The following TIAM2 variants were observed in gnomAD, a reference collection of about 807,000 sequenced individuals.
The protein encoded by TIAM2 is TIAM Rac1 associated GEF 2.
TIAM2 carries 80 observed loss-of-function variants against 152.9 expected under a neutral mutation model. The ratio of observed to expected loss-of-function variants is 0.52; its 90% CI spans 0.44 to 0.63. The LOEUF (loss-of-function observed/expected upper bound fraction) is 0.63, where lower values mean the gene tolerates loss of function less well. Among genes scored for constraint, TIAM2 ranks in the 30% least tolerant of loss-of-function variants. TIAM2 has a pLI of 0.00. For synonymous variants in TIAM2, 804 were observed against 838.0 expected, an observed-to-expected ratio of 0.96 and a Z score of 0.70; for missense variants, 1,965 against 2,120.1, an observed-to-expected ratio of 0.93 and a Z score of 1.44.
intron 15 of TIAM2, among the ~76,000 whole-genome samples, chr6:155,240,234 G>C (rs937993959): frequency 6.6e-6 from 1 of 152,244 alleles, no homozygotes; most frequent in African/African-American, 2.4e-5. Flanking sequence ...GACTGCAGAG[G>C]GTTAGCCCTA....
intron 8 of TIAM2, among the ~76,000 whole-genome samples, chr6:155,165,057 C>T (rs1780386702): frequency 6.6e-6 from 1 of 152,108 alleles, no homozygotes; most frequent in Non-Finnish European, 1.5e-5. Flanking sequence ...CGCTGCTGCC[C>T]ACCATGGAGA....
rs940529817 is a variant in TIAM2, at chr6:155,230,468, C to T, written c.3169-10062C>T. 3.3e-5 allele frequency among the ~76,000 whole-genome samples: 5 copies of T among 152,124 alleles called. No individual in the cohort carries two copies. The East Asian group carries it at 9.6e-4, about 29-fold the overall frequency. ...CTCTCTCTGTTGTGTTTCCGTAGGA[C>T]CCCCCACTTTCGGCACTGGTCACCT... On this transcript the variant is annotated intron_variant, in intron 15 of 26. Transcript: ENST00000682666.
chr6:155,090,723 T>C (rs1468386306), intron 2 of TIAM2, among the ~76,000 whole-genome samples: 1 of 152,108 alleles, frequency 6.6e-6, no homozygotes, highest in Non-Finnish European at 1.5e-5. Flanking sequence ...CACATACTGA[T>C]AGAGCACACA....
At chr6:155,159,015 A>G (rs757600505) in intron 7 of TIAM2, among the ~76,000 whole-genome samples, 9 of 152,160 alleles carry the variant, frequency 5.9e-5, no homozygotes, top group Admixed American at 2.6e-4. Flanking sequence ...ATTGAACTGT[A>G]CTGAATCTCT....
intron 9 of TIAM2, among the ~76,000 whole-genome samples, chr6:155,172,892 A>T (rs1011739684): frequency 3.5e-4 from 53 of 150,680 alleles, no homozygotes; most frequent in African/African-American, 1.3e-3. Context: ...TATTTTTAGG[A>T]TTCTCTCTTC....
intron 10 of TIAM2, 79 bp from the exon 11 acceptor site, chr6:155,178,960 G>T: frequency 8.6e-7 from 1 of 1,160,800 alleles, no homozygotes; most frequent in South Asian, 1.4e-5. Context: ...TTTCTACTTT[G>T]ATTTTTAATA....
chr6:155,107,209 A>G (rs977422909), intron 2 of TIAM2, among the ~76,000 whole-genome samples: 1 of 152,172 alleles, frequency 6.6e-6, no homozygotes, highest in East Asian at 1.9e-4. Context: ...GTTGAGACGT[A>G]ATTTTACATG....
At chr6:155,160,098 C>A (rs1263982097) in intron 7 of TIAM2, among the ~76,000 whole-genome samples, 1 of 152,074 alleles carries the variant, frequency 6.6e-6, no homozygotes, top group Non-Finnish European at 1.5e-5. Flanking sequence ...CCAAGATCTG[C>A]AGGGTAAGTC....
At chr6:155,149,171 G>A (rs891350748) in intron 7 of TIAM2, 5 of 167,152 alleles carry the variant, frequency 3.0e-5, no homozygotes, top group Non-Finnish European at 7.3e-5. Flanking sequence ...TGGAGGCAGG[G>A]TGGCCGGCCT....
intron 2 of TIAM2, among the ~76,000 whole-genome samples, chr6:155,124,479 C>T (rs1157952144): frequency 9.9e-5 from 15 of 152,086 alleles, no homozygotes; most frequent in Admixed American, 8.5e-4. Context: ...TACAGGCATG[C>T]ACCACCATGC....
chr6:155,096,504 T>C (rs537500952), intron 2 of TIAM2, among the ~76,000 whole-genome samples: 12 of 152,292 alleles, frequency 7.9e-5, no homozygotes, highest in Admixed American at 3.3e-4. Context: ...CATCCATTCC[T>C]TCCTACCCTT....
At chr6:155,206,992 T>C (rs145554055) in intron 14 of TIAM2, among the ~76,000 whole-genome samples, 1 of 152,198 alleles carries the variant, frequency 6.6e-6, no homozygotes, top group Non-Finnish European at 1.5e-5. Flanking sequence ...TATTACTCTC[T>C]GATAAGGACA....
intron 1 of TIAM2, among the ~76,000 whole-genome samples, chr6:155,043,283 CTG>C (rs367570420): frequency 7.6e-4 from 116 of 152,280 alleles, no homozygotes; most frequent in African/African-American, 2.5e-3. Context: ...TGAGAATCGT[CTG>C]TGGAGTTGAA....
chr6:155,023,042 G>GT (rs762200760), intron 1 of TIAM2, among the ~76,000 whole-genome samples: 1,430 of 88,202 alleles, frequency 0.016, 19 homozygotes, highest in African/African-American at 0.033. Flanking sequence ...TTTTTGTTCT[G>GT]TTTTTTTTTT....
chr6:155,126,672 A>G (rs1421553077), intron 2 of TIAM2, among the ~76,000 whole-genome samples: 1 of 152,224 alleles, frequency 6.6e-6, no homozygotes, highest in African/African-American at 2.4e-5. Context: ...CGGAGGTTGC[A>G]GTGAGCCGAG....
At chr6:155,126,757 G>A (rs912445334) in intron 2 of TIAM2, among the ~76,000 whole-genome samples, 1 of 141,406 alleles carries the variant, frequency 7.1e-6, no homozygotes, top group Non-Finnish European at 1.6e-5. Flanking sequence ...TAAATAAATG[G>A]TAAGATGGAA....
At chr6:155,192,925 G>A (rs9478621) in intron 14 of TIAM2, among the ~76,000 whole-genome samples, 78,719 of 152,014 alleles carry the variant, frequency 0.52, 20,881 homozygotes, top group East Asian at 0.77. Context: ...GTTGCAATGC[G>A]GAACCTGAGG....
intron 1 of TIAM2, among the ~76,000 whole-genome samples, chr6:155,023,299 C>T (rs1776535518): frequency 6.6e-6 from 1 of 152,102 alleles, no homozygotes; most frequent in Non-Finnish European, 1.5e-5. Context: ...GAAGTTAAGT[C>T]TAGACGGACA....
intron 22 of TIAM2, among the ~76,000 whole-genome samples, chr6:155,251,674 G>T (rs1466066975): frequency 1.3e-5 from 2 of 152,206 alleles, no homozygotes; most frequent in Non-Finnish European, 2.9e-5. Context: ...TTGTCACTGA[G>T]ATGAACACAG....
Sources: allele counts gnomAD v4.1 joint callset (sites outside exome capture counted in the v4.1 genomes callset), GRCh38; gene constraint gnomAD v4.1.1; transcripts MANE v1.5; gene names NCBI Gene and HGNC (gene_info 2026-07-23, HGNC 2026-07-21).